The following RPTOR variants were observed in gnomAD, a reference collection of about 807,000 sequenced individuals.
RPTOR encodes regulatory-associated protein of mTOR.
RPTOR carries 21 observed loss-of-function variants against 169.9 expected under a neutral mutation model. The ratio of observed to expected loss-of-function variants is 0.12; its 90% confidence interval spans 0.09 to 0.18. The LOEUF (loss-of-function observed/expected upper bound fraction) is 0.18. RPTOR is among the 10% of genes least tolerant of loss of function. The pLI is 1.00. For missense variants in RPTOR, 1,133 were observed against 1,855.9 expected (o/e 0.61, Z 7.16); for synonymous variants, 732 against 753.2 (o/e 0.97, Z 0.46).
intron 10 of RPTOR, among the ~76,000 whole-genome samples, chr17:80,838,291 T>C (rs2067587500): frequency 1.3e-5 from 2 of 152,234 alleles, no homozygotes; most frequent in African/African-American, 4.8e-5. Context: ...CCTGTTACAC[T>C]TTCTAGCCTT....
chr17:80,922,953 C>A lies in RPTOR; in HGVS notation c.2624+126C>A, dbSNP rs752653003. 2.9e-5 allele frequency: 22 copies of A among 767,476 alleles called. No individual in the cohort carries two copies. In the Middle Eastern group the frequency reaches 1.1e-3, roughly 37 times the overall value. The allele number at this position is 767,476 out of a possible 1,614,324, so 47.5% of individuals were successfully genotyped here. A position where few individuals can be genotyped will look rare whatever the true frequency, so the allele number is the denominator to read the frequency against. ...CCTGTCTTGGCTTCGTCTCCTCCCCCCTCTCCAGCGGGCGTTCTTTCCCTC... is the reference window on the plus strand; with the variant it reads ...CCTGTCTTGGCTTCGTCTCCTCCCCACTCTCCAGCGGGCGTTCTTTCCCTC... On this transcript the variant is annotated intron_variant, in intron 22 of 33. Transcript: ENST00000306801.
chr17:80,787,251 T>G (rs1431815945), intron 6 of RPTOR, among the ~76,000 whole-genome samples: 1 of 152,256 alleles, frequency 6.6e-6, no homozygotes, highest in Non-Finnish European at 1.5e-5. Flanking sequence ...AAAATACTTT[T>G]GGTTGGAATG....
In RPTOR at chr17:80,939,470, A is replaced by G. The variant is rs554133448; in HGVS notation, c.2920-1026A>G. 1.2e-4 allele frequency among the ~76,000 whole-genome samples: 18 copies of G among 152,348 alleles called. 1 individual carries two copies. The highest frequency in any genetic ancestry group is 3.4e-3 in the Middle Eastern group (1 of 294). On this transcript the variant is annotated intron_variant, in intron 24 of 33. Transcript: ENST00000306801. ...GCAGCAGCATGTCTAGCGTCTGCAT[A>G]TTTCAAGTGAAAATAAACTTGGTCT...
chr17:80,700,723 G>A (rs2066088441), intron 3 of RPTOR, among the ~76,000 whole-genome samples: 1 of 111,022 alleles, frequency 9.0e-6, no homozygotes, highest in African/African-American at 3.3e-5. Flanking sequence ...TGGTGGTGGT[G>A]GTGGTGATGA....
chr17:80,557,637 G>T (rs2143238661), intron 1 of RPTOR, among the ~76,000 whole-genome samples: 1 of 152,196 alleles, frequency 6.6e-6, no homozygotes, highest in African/African-American at 2.4e-5. Context: ...TAAATATATG[G>T]AAAATGGCCA....
rs1598430287 is a variant in RPTOR, at chr17:80,964,429, G to A, written c.*99G>A. ...GCGTCGGCTGCTGCGGCCCCGCAGT[G>A]TGAACGTTGGCTGCTGCCTTAGCTG... On this transcript the variant is annotated 3_prime_UTR_variant, in exon 34 of 34. Coordinates refer to ENST00000306801, the MANE Select transcript of RPTOR (RefSeq NM_020761.3). 4.2e-6 allele frequency: 5 copies of A among 1,201,312 alleles called. No homozygotes were observed. Among genetic ancestry groups the A allele is most frequent in the East Asian group, 2.4e-5 (1 of 42,426 alleles). The allele number at this position is 1,201,312 out of a possible 1,614,324, so 74.4% of individuals were successfully genotyped here. A position where few individuals can be genotyped will look rare whatever the true frequency, so the allele number is the denominator to read the frequency against.
intron 2 of RPTOR, among the ~76,000 whole-genome samples, chr17:80,634,781 G>T (rs1210127391): frequency 7.0e-6 from 1 of 142,238 alleles, no homozygotes; most frequent in African/African-American, 2.6e-5. Flanking sequence ...TGTGTGTACT[G>T]TGTGCATGTG....
intron 6 of RPTOR, among the ~76,000 whole-genome samples, chr17:80,779,194 T>C (rs2066916761): frequency 6.6e-6 from 1 of 152,224 alleles, no homozygotes; most frequent in South Asian, 2.1e-4. Context: ...AGCTCATGTG[T>C]GCGCCCGTAA....
At chr17:80,774,118 T>C in intron 6 of RPTOR, 2 of 985,412 alleles carry the variant, frequency 2.0e-6, no homozygotes, top group Non-Finnish European at 2.4e-6. Flanking sequence ...AAGGCTCCTC[T>C]CCTGTTGGTG....
At chr17:80,857,368 G>A (rs1027043898) in intron 12 of RPTOR, among the ~76,000 whole-genome samples, 3 of 150,636 alleles carry the variant, frequency 2.0e-5, no homozygotes, top group East Asian at 1.9e-4. Context: ...GTGGTGTCAC[G>A]GAGAGGTGGC....
intron 4 of RPTOR, among the ~76,000 whole-genome samples, chr17:80,717,185 GGCAT>G (rs2066246348): frequency 6.6e-6 from 1 of 152,104 alleles, no homozygotes. Flanking sequence ...CACCAGATGT[GGCAT>G]GCACCCCTCT....
At chr17:80,602,817 C>T in intron 1 of RPTOR, 3 of 664,298 alleles carry the variant, frequency 4.5e-6, no homozygotes, top group Non-Finnish European at 8.4e-6. Context: ...CTTCATGAAG[C>T]CCACTCCGTG....
At chr17:80,879,926 C>A (rs2068166944) in intron 13 of RPTOR, among the ~76,000 whole-genome samples, 1 of 152,246 alleles carries the variant, frequency 6.6e-6, no homozygotes. Context: ...TCAAGTGGGA[C>A]TGTGCACACA....
intron 3 of RPTOR, among the ~76,000 whole-genome samples, chr17:80,663,113 G>T (rs2065736865): frequency 6.6e-6 from 1 of 152,222 alleles, no homozygotes; most frequent in South Asian, 2.1e-4. Flanking sequence ...CACTCAGGGT[G>T]AGGCTTCTGA....
chr17:80,700,454 ATGG>A (rs759730484), intron 3 of RPTOR, among the ~76,000 whole-genome samples: 45,408 of 100,350 alleles, frequency 0.45, 7,163 homozygotes, highest in African/African-American at 0.51. Context: ...GGTGGTGGTG[ATGG>A]TGGTGGTGGT....
intron 3 of RPTOR, among the ~76,000 whole-genome samples, chr17:80,647,893 T>C (rs1049910099): frequency 3.9e-5 from 6 of 152,196 alleles, no homozygotes; most frequent in African/African-American, 1.4e-4. Flanking sequence ...TTCTTACTTA[T>C]CCATGCACAG....
rs377182714 is a variant in RPTOR, at chr17:80,960,089, G to C, written c.3489G>C (p.Thr1163=). 5.6e-6 allele frequency: 9 copies of C among 1,613,512 alleles called. No homozygotes were observed. Among genetic ancestry groups the C allele is most frequent in the Non-Finnish European group, 6.8e-6 (8 of 1,180,004 alleles). The part of the protein sequence containing the change: ...DREMKVQDIP[T]GADSCVTSLS... ...GTGTTTGGCTCTAGGACATCCCTAC[G>C]GGCGCAGACAGCTGTGTGACGAGTC... is the stretch of plus-strand genomic sequence containing the variant. Residue 1163 remains threonine, a synonymous_variant, in exon 30 of 34, where the codon ACG becomes ACC. Transcript: ENST00000306801. This position sits in a 1 kb window ranked among gnomAD's most constrained non-coding sequence, Gnocchi z 4.8.
chr17:80,658,754 T>G (rs984305400), intron 3 of RPTOR, among the ~76,000 whole-genome samples: 1 of 152,256 alleles, frequency 6.6e-6, no homozygotes, highest in African/African-American at 2.4e-5. Context: ...ACTGATCCTC[T>G]CCTTTGCTGT....
At chr17:80,930,423 GCTCATCCTCATCCCCAGCTCATC>G (rs1567993833) in intron 24 of RPTOR, among the ~76,000 whole-genome samples, 7 of 912 alleles carry the variant, frequency 7.7e-3, no homozygotes, top group South Asian at 0.024. Context: ...CTCATCCTCA[GCTCATCCTCATCCCCAGCTCATC>G]CTCAGCTCAT....
Sources: allele counts gnomAD v4.1 joint callset (sites outside exome capture counted in the v4.1 genomes callset), GRCh38; gene constraint gnomAD v4.1.1; non-coding constraint Gnocchi (gnomAD v3.1); transcripts MANE v1.5; gene names NCBI Gene and HGNC (gene_info 2026-07-23, HGNC 2026-07-21).